FAM186B: variants seen among roughly 807,000 people sequenced by gnomAD.
The protein encoded by FAM186B is protein FAM186B.
A neutral mutation model predicts 83.4 loss-of-function variants in FAM186B; 68 were observed. The observed-to-expected ratio is 0.81, with a 90% CI of 0.67 to 1.00. The LOEUF (loss-of-function observed/expected upper bound fraction) is 1.00, where lower values mean the gene tolerates loss of function less well. Ranked by LOEUF, FAM186B falls within the 50% of genes least tolerant of loss-of-function variation. The probability of loss-of-function intolerance (pLI) is 0.00; values close to 1 mark genes in which losing one functional copy is unlikely to be tolerated. For missense variants in FAM186B, 983 were observed against 1,099.2 expected (o/e 0.89, Z 1.49); for synonymous variants, 389 against 422.0 (o/e 0.92, Z 0.96).
At chr12:49,618,917 A>G in the FAM186B span, among the ~76,000 whole-genome samples, 2 of 152,388 alleles carry the variant, frequency 1.3e-5, no homozygotes, top group South Asian at 2.1e-4. Flanking sequence ...ACAATGGAAG[A>G]TAATAGCCAC....
At chr12:49,610,155 A>C (rs1435482746), upstream of FAM186B, among the ~76,000 whole-genome samples, 3 of 152,122 alleles carry the variant, frequency 2.0e-5, no homozygotes, top group East Asian at 3.8e-4. Context: ...AAAAAAAAAA[A>C]ACCGATATTA....
downstream of FAM186B, chr12:49,584,559 G>T (rs1200249321): frequency 2.8e-6 from 2 of 702,230 alleles, no homozygotes; most frequent in African/African-American, 3.5e-5. Context: ...TTTTGAACAA[G>T]CTAAGCGGAT....
downstream of FAM186B, chr12:49,583,277 T>C (rs1939374264): frequency 3.0e-6 from 1 of 336,108 alleles, no homozygotes; most frequent in Non-Finnish European, 5.9e-6. Context: ...CAATTTCTTC[T>C]CTGTGCATTC....
chr12:49,613,082 T>C, the FAM186B span, among the ~76,000 whole-genome samples: 1 of 152,178 alleles, frequency 6.6e-6, no homozygotes, highest in Non-Finnish European at 1.5e-5. Flanking sequence ...CAAGAAGATC[T>C]TCAAAACCAC....
At chr12:49,594,471 A>G (rs1332479342) in intron 5 of FAM186B, among the ~76,000 whole-genome samples, 1 of 152,236 alleles carries the variant, frequency 6.6e-6, no homozygotes, top group Non-Finnish European at 1.5e-5. Flanking sequence ...ATAAAGTTTA[A>G]TTTTTAAATT....
chr12:49,585,769 C>A (rs577761174), downstream of FAM186B, among the ~76,000 whole-genome samples: 12 of 152,316 alleles, frequency 7.9e-5, no homozygotes, highest in South Asian at 2.5e-3. Context: ...GAGCCAGCAC[C>A]ACGCAGCAGG....
chr12:49,616,561 A>G, the FAM186B span, among the ~76,000 whole-genome samples: 1 of 152,252 alleles, frequency 6.6e-6, no homozygotes, highest in Non-Finnish European at 1.5e-5. Context: ...AACTACTGAC[A>G]CATGCAATGA....
At chr12:49,616,428 A>G in the FAM186B span, among the ~76,000 whole-genome samples, 1 of 152,256 alleles carries the variant, frequency 6.6e-6, no homozygotes, top group Non-Finnish European at 1.5e-5. Flanking sequence ...ACATAAATCT[A>G]TACAGAAGTA....
downstream of FAM186B, chr12:49,583,253 T>C (rs1254908030): frequency 2.9e-6 from 1 of 343,466 alleles, no homozygotes; most frequent in Non-Finnish European, 5.8e-6. Context: ...CTCATTACAT[T>C]TATAAAACTT....
At chr12:49,601,436 C>T (rs1053533274) in intron 3 of FAM186B, among the ~76,000 whole-genome samples, 1 of 152,164 alleles carries the variant, frequency 6.6e-6, no homozygotes, top group African/African-American at 2.4e-5. Flanking sequence ...TCCATGTTCT[C>T]CTGGGGTAGA....
At chr12:49,582,876 A>T (rs1240495313), downstream of FAM186B, 1 of 367,808 alleles carries the variant, frequency 2.7e-6, no homozygotes, top group African/African-American at 2.1e-5. Context: ...ACACATATAT[A>T]CACAAAGATA....
At chr12:49,587,982 C>T (rs1357832656) in intron 6 of FAM186B, among the ~76,000 whole-genome samples, 1 of 152,212 alleles carries the variant, frequency 6.6e-6, no homozygotes, top group Non-Finnish European at 1.5e-5. Flanking sequence ...CCCTGTCCTT[C>T]AAGGAACAGG....
upstream of FAM186B, chr12:49,605,726 C>A: frequency 2.7e-6 from 1 of 371,984 alleles, no homozygotes; most frequent in Non-Finnish European, 4.8e-6. Flanking sequence ...TGTCCATTAC[C>A]TAACATATAT....
At chr12:49,620,039 T>C in the FAM186B span, among the ~76,000 whole-genome samples, 1 of 152,124 alleles carries the variant, frequency 6.6e-6, no homozygotes, top group South Asian at 2.1e-4. Context: ...GTTCAGCTGA[T>C]AACACGGCAT....
intron 6 of FAM186B, among the ~76,000 whole-genome samples, chr12:49,588,108 T>C (rs1565803966): frequency 2.0e-5 from 3 of 151,980 alleles, no homozygotes; most frequent in Admixed American, 1.3e-4. Context: ...GGTGGGGAGG[T>C]TCAGGCTTGT....
chr12:49,601,418 C>G (rs1206556624), intron 3 of FAM186B, among the ~76,000 whole-genome samples: 2 of 152,202 alleles, frequency 1.3e-5, no homozygotes, highest in African/African-American at 4.8e-5. Flanking sequence ...GCAGCATCCT[C>G]CTGGTCTTCC....
upstream of FAM186B, among the ~76,000 whole-genome samples, chr12:49,606,949 C>T (rs1797498396): frequency 2.0e-5 from 3 of 152,134 alleles, no homozygotes; most frequent in Admixed American, 2.0e-4. Context: ...TGGTATTAAA[C>T]TATAAATCAA....
chr12:49,608,621 A>G (rs917615749), upstream of FAM186B, among the ~76,000 whole-genome samples: 8 of 152,010 alleles, frequency 5.3e-5, no homozygotes, highest in African/African-American at 1.9e-4. Context: ...TTAATTCAAG[A>G]AAGAAAATGG....
chr12:49,616,410 A>T, the FAM186B span, among the ~76,000 whole-genome samples: 2 of 152,224 alleles, frequency 1.3e-5, no homozygotes, highest in Non-Finnish European at 2.9e-5. Flanking sequence ...TATAAAACAT[A>T]TGTCCACACA....
Sources: allele counts gnomAD v4.1 joint callset (sites outside exome capture counted in the v4.1 genomes callset), GRCh38; gene constraint gnomAD v4.1.1; transcripts MANE v1.5; gene names NCBI Gene and HGNC (gene_info 2026-07-23, HGNC 2026-07-21).